FBXO22: variants seen among roughly 807,000 people sequenced by gnomAD.
FBXO22 encodes the protein F-box only protein 22.
A neutral mutation model predicts 37.2 loss-of-function variants in FBXO22; 13 were observed. The ratio of observed to expected loss-of-function variants is 0.35; its 90% CI spans 0.23 to 0.56. The LOEUF (loss-of-function observed/expected upper bound fraction) is 0.56. Ranked by LOEUF, FBXO22 falls within the 20% of genes least tolerant of loss-of-function variation. FBXO22 has a pLI of 0.87. For missense variants in FBXO22, 446 were observed against 509.9 expected (o/e 0.87, Z 1.21); for synonymous variants, 189 against 189.1 (o/e 1.00, Z 0.00).
chr15:75,922,786 G>A (rs1287499649), intron 5 of FBXO22, among the ~76,000 whole-genome samples: 4 of 152,136 alleles, frequency 2.6e-5, no homozygotes, highest in Non-Finnish European at 2.9e-5. Context: ...TAGGGCATGA[G>A]GACTAGGGAA....
chr15:75,903,928 G>A lies in FBXO22; in HGVS notation c.-36G>A, dbSNP rs1178139574. The A allele has an allele frequency of 6.8e-7, 1 of 1,476,350 alleles. No homozygotes were observed. The highest frequency in any genetic ancestry group is 2.5e-5 in the East Asian group (1 of 39,908). The allele number at this position is 1,476,350 out of a possible 1,614,324, so 91.5% of individuals were successfully genotyped here. A position where few individuals can be genotyped will look rare whatever the true frequency, so the allele number is the denominator to read the frequency against. On this transcript the variant is annotated 5_prime_UTR_variant, in exon 1 of 7. Transcript: ENST00000308275. ...TGCTGGCGTAATCGGGTTCCTCCGA[G>A]CCGCCGTAGGACTGGTTCCGGCGGG...
At chr15:75,932,163 A>G (rs919870763) in intron 6 of FBXO22, among the ~76,000 whole-genome samples, 1 of 152,230 alleles carries the variant, frequency 6.6e-6, no homozygotes, top group Non-Finnish European at 1.5e-5. Flanking sequence ...GCAGTGAGCT[A>G]TGATTGTGCC....
At chr15:75,913,594 G>A (rs1900118008) in intron 3 of FBXO22, among the ~76,000 whole-genome samples, 1 of 152,094 alleles carries the variant, frequency 6.6e-6, no homozygotes, top group Non-Finnish European at 1.5e-5. Flanking sequence ...GGCTATTCAG[G>A]CCTTTTACTG....
rs562648545 is a variant in FBXO22 at position 75,917,674 on chromosome 15, T to A, written c.628+280T>A. Among the ~76,000 whole-genome samples the A allele has an allele frequency of 2.0e-5, 3 of 152,322 alleles. No individual in the cohort carries two copies. In the East Asian group the frequency reaches 5.8e-4, roughly 29 times the overall value. ...ATAAATACTCTGTTGATGATAAACTTGTTTGTATTTAGTTCTGAATTTTAA... is the reference window on the plus strand; with the variant it reads ...ATAAATACTCTGTTGATGATAAACTAGTTTGTATTTAGTTCTGAATTTTAA... On this transcript the variant is annotated intron_variant, in intron 5 of 6. Transcript: ENST00000308275.
At chr15:75,920,824 AAAAT>A (rs962066506) in intron 5 of FBXO22, among the ~76,000 whole-genome samples, 5 of 152,184 alleles carry the variant, frequency 3.3e-5, no homozygotes, top group African/African-American at 7.2e-5. Context: ...CCCTGTCTCA[AAAAT>A]AAATAAATAA....
chr15:75,941,687 A>AG lies in FBXO22; in HGVS notation c.*8587dup, dbSNP rs1316130454. On this transcript the variant is annotated 3_prime_UTR_variant, in exon 7 of 7. Transcript: ENST00000308275. ...AATACTATATGAATCCACTGATGTG[A>AG]GGTACCTAGACTAGTGAGATTCATA... The AG allele has an allele frequency of 6.6e-6, 1 of 152,162 alleles. No homozygotes were observed. Among genetic ancestry groups the AG allele is most frequent in the Admixed American group, 6.5e-5 (1 of 15,284 alleles). 9.4% of individuals were successfully genotyped at this position (152,162 alleles called of 1,614,324 possible).
Position 75,904,552 on chromosome 15 carries a change from T to C in FBXO22, c.202T>C (p.Trp68Arg). The C allele has an allele frequency of 1.9e-6, 3 of 1,613,904 alleles. No homozygotes were observed. Among genetic ancestry groups the C allele is most frequent in the Non-Finnish European group, 2.5e-6 (3 of 1,179,852 alleles). ...ATTGCGGACCCATCGGAGCGTAACC[T>C]GGATCTCCGCAGGCCTGGCGGAGGC... ...RVLRTHRSVTWISAGLAEAGH... is the reference protein window; with the variant it reads ...RVLRTHRSVTRISAGLAEAGH... The change falls in exon 2 of 7, where the codon TGG (tryptophan) becomes CGG (arginine). Residue 68 changes from tryptophan to arginine, a missense_variant. By Grantham distance (101) the Trp-to-Arg change is moderately radical. Transcript: ENST00000308275.
rs201681565 is a variant in FBXO22, at chr15:75,929,324, T to A, written c.629-560T>A. ...CCATCTCTACCAAAAAAAAAAAAAT[T>A]TTTTTTAAAGATCCTTTTTCCAAAT... On this transcript the variant is annotated intron_variant, in intron 5 of 6. Transcript: ENST00000308275. 8.4e-3 allele frequency among the ~76,000 whole-genome samples: 993 copies of A among 118,626 alleles called. 13 individuals carry two copies. Among genetic ancestry groups the A allele is most frequent in the African/African-American group, 0.026 (927 of 35,188 alleles). 77.8% of individuals were successfully genotyped at this position (118,626 alleles called of 152,430 possible). A position where few individuals can be genotyped will look rare whatever the true frequency, so the allele number is the denominator to read the frequency against.
At chr15:75,931,940 G>A (rs2030036247) in intron 6 of FBXO22, among the ~76,000 whole-genome samples, 1 of 152,192 alleles carries the variant, frequency 6.6e-6, no homozygotes. Context: ...TCCTCTGAGT[G>A]CAGTGGCTCA....
chr15:75,928,740 A>T (rs1482869375), intron 5 of FBXO22, among the ~76,000 whole-genome samples: 4 of 152,122 alleles, frequency 2.6e-5, no homozygotes, highest in Admixed American at 6.5e-5. Flanking sequence ...TAAAAAAAAA[A>T]TCAAATTGAT....
intron 2 of FBXO22, among the ~76,000 whole-genome samples, chr15:75,911,068 C>T (rs555400758): frequency 1.2e-3 from 188 of 152,158 alleles, no homozygotes; most frequent in Non-Finnish European, 2.3e-3. Flanking sequence ...AAGATCAGAT[C>T]GTTGTAGATG....
intron 1 of FBXO22, 140 bp downstream of exon 1, chr15:75,904,243 T>C (rs1899867118): frequency 2.4e-6 from 3 of 1,247,678 alleles, no homozygotes; most frequent in Non-Finnish European, 3.2e-6. Context: ...GGTGACCCCC[T>C]ACCCGCGAGG....
rs2030500205 is a variant in FBXO22, at chr15:75,937,577, A to AAG, written c.*4476_*4477dup. On this transcript the variant is annotated 3_prime_UTR_variant, in exon 7 of 7. Coordinates refer to ENST00000308275, the MANE Select transcript of FBXO22 (RefSeq NM_147188.3). ...TTGTTAGAGCTTTGGAAAACAGTCA[A>AAG]AGGTTTACAGCAACCAAAAGAATGC... 6.6e-6 allele frequency: 1 copy of AAG among 152,114 alleles called. No homozygotes were observed. The highest frequency in any genetic ancestry group is 6.5e-5 in the Admixed American group (1 of 15,276). The allele number at this position is 152,114 out of a possible 1,614,324, so 9.4% of individuals were successfully genotyped here.
chr15:75,906,169 C>T (rs1205641764), intron 2 of FBXO22, among the ~76,000 whole-genome samples: 3 of 152,048 alleles, frequency 2.0e-5, no homozygotes, highest in East Asian at 3.9e-4. Flanking sequence ...TATCTTTGAG[C>T]ACTTTTCTTG....
chr15:75,904,282 A>C, intron 1 of FBXO22, 179 bp downstream of exon 1: 2 of 1,117,644 alleles, frequency 1.8e-6, no homozygotes, highest in Non-Finnish European at 2.5e-6. Context: ...CCCCGGGGGG[A>C]CTTCCCTGAG....
intron 6 of FBXO22, 21 bp downstream of exon 6, chr15:75,930,070 A>C: frequency 6.2e-7 from 1 of 1,613,646 alleles, no homozygotes; most frequent in Non-Finnish European, 8.5e-7. Context: ...TGTGCTTCTG[A>C]TTTCGTCTGT....
chr15:75,941,366 T>C lies in FBXO22; in HGVS notation c.*8264T>C, dbSNP rs2030938159. On this transcript the variant is annotated 3_prime_UTR_variant, in exon 7 of 7. Coordinates refer to ENST00000308275, the MANE Select transcript of FBXO22 (RefSeq NM_147188.3). Reference sequence around the variant, plus strand: ...TATGCAGCTGCTGTAGAAAACAGTATGGTGATTTTCCAATTAAATATAGAA... The same window carrying C: ...TATGCAGCTGCTGTAGAAAACAGTACGGTGATTTTCCAATTAAATATAGAA... The C allele has an allele frequency of 6.6e-6, 1 of 152,188 alleles. No homozygotes were observed. Among genetic ancestry groups the C allele is most frequent in the Non-Finnish European group, 1.5e-5 (1 of 67,998 alleles). 9.4% of individuals were successfully genotyped at this position (152,188 alleles called of 1,614,324 possible).
Position 75,941,835 on chromosome 15 carries a change from G to A in FBXO22, c.*8733G>A, listed in dbSNP as rs953486324. 4 of 149,778 alleles carry A rather than the reference G, an allele frequency of 2.7e-5. No homozygotes were observed. The highest frequency in any genetic ancestry group is 9.8e-5 in the African/African-American group (4 of 40,626). The allele number at this position is 149,778 out of a possible 1,614,324, so 9.3% of individuals were successfully genotyped here. A position where few individuals can be genotyped will look rare whatever the true frequency, so the allele number is the denominator to read the frequency against. ...AAAAGTTCCGGAGGTGCATAGTGGT[G>A]ACTGGTACATACAACGAATGTATTT... On this transcript the variant is annotated 3_prime_UTR_variant, in exon 7 of 7. Coordinates refer to ENST00000308275, the MANE Select transcript of FBXO22 (RefSeq NM_147188.3).
Position 75,917,226 on chromosome 15 carries a change from C to T in FBXO22, c.464-4C>T, listed in dbSNP as rs16967653. 23,550 of 1,603,142 alleles carry T rather than the reference C, an allele frequency of 0.015. 287 individuals carry two copies. The highest frequency in any genetic ancestry group is 0.016 in the Non-Finnish European group (18,501 of 1,176,736). ...TTGGTGAAACTGTTTAACTTTTTCT[C>T]TAGTGACTCCAATGGGATCAGGTAG... On this transcript the variant is annotated splice_polypyrimidine_tract_variant and splice_region_variant and intron_variant, in intron 4 of 6. Transcript: ENST00000308275.
Sources: allele counts gnomAD v4.1 joint callset (sites outside exome capture counted in the v4.1 genomes callset), GRCh38; gene constraint gnomAD v4.1.1; transcripts MANE v1.5; gene names NCBI Gene and HGNC (gene_info 2026-07-23, HGNC 2026-07-21).